The following PIGN variants were observed in gnomAD, a reference collection of about 807,000 sequenced individuals.
The protein encoded by PIGN is GPI ethanolamine phosphate transferase 1.
A neutral mutation model predicts 125.4 loss-of-function variants in PIGN; 117 were observed. The observed-to-expected ratio is 0.93, with a 90% CI of 0.80 to 1.09. The LOEUF is 1.09. Among genes scored for constraint, PIGN ranks in the 50% least tolerant of loss-of-function variants. The pLI is 0.00. For missense variants in PIGN, 1,075 were observed against 1,094.9 expected (o/e 0.98, Z 0.26); for synonymous variants, 392 against 377.8 (o/e 1.04, Z -0.44).
intron 14 of PIGN, among the ~76,000 whole-genome samples, chr18:62,130,133 G>C (rs1207436178): frequency 6.6e-6 from 1 of 152,154 alleles, no homozygotes; most frequent in African/African-American, 2.4e-5. Flanking sequence ...AGCCTTTGGA[G>C]GGAGCATGGT....
chr18:62,096,288 T>G (rs190086254), intron 22 of PIGN, among the ~76,000 whole-genome samples: 1 of 151,396 alleles, frequency 6.6e-6, no homozygotes, highest in Admixed American at 6.6e-5. Context: ...AGAGTGAAAC[T>G]CCATCTTAAA....
At position 62,161,122 on chromosome 18, in the gene PIGN, T is replaced by C; in HGVS notation, c.221+11A>G. On this transcript the variant is annotated intron_variant, in intron 4 of 30. Coordinates refer to ENST00000640252, the MANE Select transcript of PIGN (RefSeq NM_176787.5). ...TTTAAGAGATGTCTCTGTATCAGTTTACATGCTTACCTAATAAACGGTGCT... is the reference window on the plus strand; with the variant it reads ...TTTAAGAGATGTCTCTGTATCAGTTCACATGCTTACCTAATAAACGGTGCT... The C allele has an allele frequency of 1.3e-6, 2 of 1,558,472 alleles. No individual in the cohort carries two copies. Among genetic ancestry groups the C allele is most frequent in the East Asian group, 2.2e-5 (1 of 44,592 alleles).
chr18:62,159,064 T>C (rs889999056), intron 4 of PIGN, among the ~76,000 whole-genome samples: 1 of 152,112 alleles, frequency 6.6e-6, no homozygotes, highest in African/African-American at 2.4e-5. Flanking sequence ...GTCAACATGG[T>C]GAAACCCCGT....
chr18:62,089,028 C>T lies in PIGN; in HGVS notation c.2284-186G>A, dbSNP rs562464776. ...TTAATTACACCTTAATAAAATGTGC[C>T]AAAAGGTAAAATATGTTGCTAATAA... is the stretch of plus-strand genomic sequence containing the variant. On this transcript the variant is annotated intron_variant, in intron 24 of 30. Coordinates refer to ENST00000640252, the MANE Select transcript of PIGN (RefSeq NM_176787.5). Among the ~76,000 whole-genome samples, 3 of 152,002 alleles carry T rather than the reference C, an allele frequency of 2.0e-5. No individual in the cohort carries two copies. In the South Asian group the frequency reaches 6.2e-4, roughly 32 times the overall value.
intron 10 of PIGN, among the ~76,000 whole-genome samples, chr18:62,144,375 C>T (rs1025883143): frequency 3.9e-5 from 6 of 152,184 alleles, no homozygotes; most frequent in Admixed American, 1.3e-4. Flanking sequence ...GCACTGCACT[C>T]GGAACATACT....
chr18:62,142,126 G>C (rs2036161383), intron 11 of PIGN, among the ~76,000 whole-genome samples: 1 of 152,206 alleles, frequency 6.6e-6, no homozygotes. Context: ...ACAACAGACT[G>C]ATGAGTATCT....
chr18:62,075,028 C>A, intron 28 of PIGN: 1 of 394,642 alleles, frequency 2.5e-6, no homozygotes, highest in Non-Finnish European at 4.6e-6. Context: ...ATTAAGTGCT[C>A]TGAATATTTA....
Position 62,072,689 on chromosome 18 carries a change from GC to G in PIGN, c.2655del (p.Trp885CysfsTer12), listed in dbSNP as rs749663089. ...ATACTATACCTTGTCCCAATATCAAGCCAGCTGCCATAATCCTTGACCAAGA... is the reference window on the plus strand; with the variant it reads ...ATACTATACCTTGTCCCAATATCAAGCAGCTGCCATAATCCTTGACCAAGA... ...FFFLVKDYGS[W>X]LDIGTSISHY... On this transcript the variant is annotated frameshift_variant, in exon 30 of 31. Coordinates refer to ENST00000640252, the MANE Select transcript of PIGN (RefSeq NM_176787.5). LOFTEE classifies it high-confidence loss of function. 1.2e-6 allele frequency: 2 copies of G among 1,601,104 alleles called. No homozygotes were observed. The highest frequency in any genetic ancestry group is 8.5e-7 in the Non-Finnish European group (1 of 1,174,326).
rs148733808 is a variant in PIGN, at chr18:62,076,484, C to T, written c.2577-1663G>A. ...CCTCTTACTAGAGTCTTTCACAGAG[C>T]AAAAACTTTTAATTCTGAAGAAGTC... On this transcript the variant is annotated intron_variant, in intron 28 of 30. Coordinates refer to ENST00000640252, the MANE Select transcript of PIGN (RefSeq NM_176787.5). 5.7e-3 allele frequency among the ~76,000 whole-genome samples: 865 copies of T among 152,222 alleles called. 5 individuals are homozygous for T. The highest frequency in any genetic ancestry group is 0.024 in the Middle Eastern group (7 of 294).
At chr18:62,081,682 T>C (rs2033456331) in intron 28 of PIGN, among the ~76,000 whole-genome samples, 1 of 152,114 alleles carries the variant, frequency 6.6e-6, no homozygotes, top group Admixed American at 6.5e-5. Context: ...TCTAAAAATC[T>C]TATCCACCAA....
At chr18:62,114,708 T>C (rs2035021942) in intron 14 of PIGN, 69 bp from the exon 15 acceptor site, 1 of 684,324 alleles carries the variant, frequency 1.5e-6, no homozygotes, top group Non-Finnish European at 2.2e-6. Context: ...TTTTTCCCCT[T>C]AATTAAAAAA....
At chr18:62,096,511 ATTTTCTT>A (rs1568170560) in intron 22 of PIGN, among the ~76,000 whole-genome samples, 4 of 44,058 alleles carry the variant, frequency 9.1e-5, no homozygotes, top group Admixed American at 2.6e-4. Context: ...AAAATGAATT[ATTTTCTT>A]TTTTTTTTTT....
intron 7 of PIGN, among the ~76,000 whole-genome samples, chr18:62,149,307 T>C (rs1432066940): frequency 6.6e-6 from 1 of 152,180 alleles, no homozygotes; most frequent in African/African-American, 2.4e-5. Flanking sequence ...CTCAAAAGTA[T>C]AAAATTGCCC....
intron 22 of PIGN, among the ~76,000 whole-genome samples, chr18:62,099,184 C>T (rs756964840): frequency 1.3e-5 from 2 of 151,898 alleles, no homozygotes; most frequent in African/African-American, 4.8e-5. Flanking sequence ...CCTAACTCTA[C>T]GCAGAATACA....
chr18:62,077,199 G>A (rs190241966), intron 28 of PIGN, among the ~76,000 whole-genome samples: 3 of 152,218 alleles, frequency 2.0e-5, no homozygotes, highest in African/African-American at 4.8e-5. Context: ...CCAACATGGC[G>A]AAAACCCGGC....
At chr18:62,072,605 T>C (rs2032944273) in intron 30 of PIGN, 68 bp downstream of exon 30, 1 of 1,236,132 alleles carries the variant, frequency 8.1e-7, no homozygotes, top group Admixed American at 2.1e-5. Flanking sequence ...AGTGAAGAAA[T>C]TGCCTAACAA....
At chr18:62,109,714 T>C in intron 17 of PIGN, 120 bp downstream of exon 17, 3 of 761,106 alleles carry the variant, frequency 3.9e-6, no homozygotes, top group Middle Eastern at 2.6e-4. Flanking sequence ...GACTGGAGGT[T>C]TGAAAGTACA....
At chr18:62,049,316 C>T (rs1243447435) in intron 30 of PIGN, among the ~76,000 whole-genome samples, 1 of 151,294 alleles carries the variant, frequency 6.6e-6, no homozygotes, top group African/African-American at 2.4e-5. Flanking sequence ...TACAGTCCCA[C>T]CAACAGTGTA....
rs570634460 is a variant in PIGN at position 62,097,977 on chromosome 18, G to A, written c.2078-2027C>T. ...TAGAGGTTGAAGATAGACAAGTTGG[G>A]ATGAAATCCCGGCTGAATCACTTAC... On this transcript the variant is annotated intron_variant, in intron 22 of 30. Coordinates refer to ENST00000640252, the MANE Select transcript of PIGN (RefSeq NM_176787.5). Among the ~76,000 whole-genome samples the A allele has an allele frequency of 8.5e-5, 13 of 152,286 alleles. 1 individual carries two copies. In the South Asian group the frequency reaches 1.9e-3, roughly 22 times the overall value.
Sources: allele counts gnomAD v4.1 joint callset (sites outside exome capture counted in the v4.1 genomes callset), GRCh38; gene constraint gnomAD v4.1.1; transcripts MANE v1.5; gene names NCBI Gene and HGNC (gene_info 2026-07-23, HGNC 2026-07-21).